The following LPAR1 variants were observed in gnomAD, a reference collection of about 807,000 sequenced individuals.
LPAR1 encodes the protein LPA receptor 1.
In LPAR1, 5 loss-of-function variants were observed where a neutral mutation model predicts 23.8. The observed-to-expected ratio is 0.21, with a 90% CI of 0.11 to 0.44. LPAR1 has a LOEUF of 0.44. Among genes scored for constraint, LPAR1 ranks in the 20% least tolerant of loss-of-function variants. The pLI is 0.99. For synonymous variants in LPAR1, 160 were observed against 164.7 expected (o/e 0.97, Z 0.22); for missense variants, 311 against 482.8 (o/e 0.64, Z 3.33).
At chr9:110,899,035 A>T (rs1420449734) in intron 5 of LPAR1, among the ~76,000 whole-genome samples, 1 of 152,240 alleles carries the variant, frequency 6.6e-6, no homozygotes, top group Non-Finnish European at 1.5e-5. Context: ...ATTCTTTTTT[A>T]AAAATACAAC....
At chr9:110,933,442 CA>C (rs2094516920) in intron 5 of LPAR1, among the ~76,000 whole-genome samples, 1 of 152,150 alleles carries the variant, frequency 6.6e-6, no homozygotes. Flanking sequence ...TTACATAAAT[CA>C]GTTCATCTAA....
At chr9:111,038,553 C>T (rs1433654228), upstream of LPAR1, 1 of 449,112 alleles carries the variant, frequency 2.2e-6, no homozygotes, top group Non-Finnish European at 4.5e-6. This position sits in a 1 kb window ranked among gnomAD's most constrained non-coding sequence, Gnocchi z 4.4. Context: ...TCCTCTCTTC[C>T]TCCGCCTTCC....
In LPAR1 at chr9:110,996,476, G is replaced by GT. The variant is rs539294638; in HGVS notation, c.-181-22919dup. Reference sequence around the variant, plus strand: ...AAGGAGTCCGCTTACAAAAAAATAAGTTTTACTAAACTGATATTCCCTAAA... The same window carrying GT: ...AAGGAGTCCGCTTACAAAAAAATAAGTTTTTACTAAACTGATATTCCCTAAA... On this transcript the variant is annotated intron_variant, in intron 2 of 5. Transcript: ENST00000683809. Among the ~76,000 whole-genome samples the GT allele has an allele frequency of 2.1e-4, 32 of 152,202 alleles. No individual in the cohort carries two copies. The East Asian group carries it at 5.6e-3, about 27-fold the overall frequency.
intron 2 of LPAR1, among the ~76,000 whole-genome samples, chr9:111,021,963 C>CAAAA (rs3030187): frequency 8.6e-5 from 6 of 69,842 alleles, no homozygotes; most frequent in African/African-American, 2.9e-4. Flanking sequence ...GACTCCGTCA[C>CAAAA]AAAAAAAAAA....
At chr9:110,989,294 C>T (rs2139524964) in intron 2 of LPAR1, among the ~76,000 whole-genome samples, 1 of 152,300 alleles carries the variant, frequency 6.6e-6, no homozygotes, top group East Asian at 1.9e-4. Flanking sequence ...TCAAGTGATC[C>T]TGTCTCTGCC....
intron 2 of LPAR1, among the ~76,000 whole-genome samples, chr9:111,003,310 T>C (rs1310546442): frequency 6.6e-6 from 1 of 151,928 alleles, no homozygotes; most frequent in African/African-American, 2.4e-5. Flanking sequence ...CCCTGGAGTT[T>C]AGTAGGCAAG....
At chr9:110,987,984 A>C (rs1475055640) in intron 2 of LPAR1, among the ~76,000 whole-genome samples, 1 of 152,104 alleles carries the variant, frequency 6.6e-6, no homozygotes, top group Non-Finnish European at 1.5e-5. Flanking sequence ...TACTGGATTA[A>C]AGAAAAAAAA....
At chr9:110,887,209 A>G (rs1199800969) in intron 5 of LPAR1, among the ~76,000 whole-genome samples, 1 of 152,176 alleles carries the variant, frequency 6.6e-6, no homozygotes, top group Non-Finnish European at 1.5e-5. Context: ...CAGAAACTTC[A>G]AGGATAGAGA....
chr9:110,883,083 A>C (rs982897947), intron 5 of LPAR1, among the ~76,000 whole-genome samples: 3 of 152,190 alleles, frequency 2.0e-5, no homozygotes, highest in Non-Finnish European at 4.4e-5. Context: ...TCTGTCATCC[A>C]GGCTGGAGTG....
intron 4 of LPAR1, among the ~76,000 whole-genome samples, chr9:110,965,019 C>T (rs1247686841): frequency 3.3e-5 from 5 of 151,862 alleles, no homozygotes; most frequent in South Asian, 2.1e-4. Context: ...TACAGGTGCA[C>T]GCCACCACAC....
intron 5 of LPAR1, among the ~76,000 whole-genome samples, chr9:110,912,531 C>A (rs1201929675): frequency 6.6e-6 from 1 of 152,164 alleles, no homozygotes; most frequent in Non-Finnish European, 1.5e-5. Flanking sequence ...ACCAAATGAG[C>A]TTCTCCTTTC....
At chr9:110,918,423 A>C (rs752116528) in intron 5 of LPAR1, among the ~76,000 whole-genome samples, 1 of 152,194 alleles carries the variant, frequency 6.6e-6, no homozygotes, top group African/African-American at 2.4e-5. Flanking sequence ...TCTCTCACCC[A>C]CAGGCCATTC....
In LPAR1 at chr9:110,986,842, C is replaced by A. The variant is rs182307755; in HGVS notation, c.-181-13284G>T. On this transcript the variant is annotated intron_variant, in intron 2 of 5. Transcript: ENST00000683809. ...TTTCAAGTAGCTTAAAATTCAAGCA[C>A]CTTTGGGAGAATGAATCAAAATCAA... is the stretch of plus-strand genomic sequence containing the variant. Among the ~76,000 whole-genome samples, 20 of 152,190 alleles carry A rather than the reference C, an allele frequency of 1.3e-4. No homozygotes were observed. The East Asian group carries it at 3.3e-3, about 25-fold the overall frequency.
At chr9:110,928,569 CT>C (rs2094194678) in intron 5 of LPAR1, among the ~76,000 whole-genome samples, 1 of 152,194 alleles carries the variant, frequency 6.6e-6, no homozygotes, top group African/African-American at 2.4e-5. Flanking sequence ...AGCCAGTGCT[CT>C]AATCTCTACC....
intron 5 of LPAR1, among the ~76,000 whole-genome samples, chr9:110,879,174 T>C (rs1423287523): frequency 1.3e-5 from 2 of 152,028 alleles, no homozygotes; most frequent in East Asian, 3.9e-4. Context: ...CCTAGCACTT[T>C]GGGAGGCCGA....
intron 5 of LPAR1, among the ~76,000 whole-genome samples, chr9:110,902,881 C>T (rs1189235140): frequency 6.6e-6 from 1 of 152,190 alleles, no homozygotes; most frequent in Non-Finnish European, 1.5e-5. Flanking sequence ...GAGCTCCACC[C>T]CTTCAGGTAG....
intron 2 of LPAR1, among the ~76,000 whole-genome samples, chr9:110,997,135 G>A (rs1223972936): frequency 2.0e-5 from 3 of 152,304 alleles, no homozygotes; most frequent in African/African-American, 7.2e-5. Context: ...TTGTGTCTAT[G>A]AAAGGAAGGA....
chr9:110,936,692 T>G (rs894241917), intron 5 of LPAR1, among the ~76,000 whole-genome samples: 2 of 152,136 alleles, frequency 1.3e-5, no homozygotes, highest in Non-Finnish European at 2.9e-5. Context: ...AAAAACAGTG[T>G]CTCCCTCTTC....
At chr9:110,946,876 A>AT (rs2095402801) in intron 4 of LPAR1, among the ~76,000 whole-genome samples, 1 of 152,208 alleles carries the variant, frequency 6.6e-6, no homozygotes, top group African/African-American at 2.4e-5. Context: ...TACTGTATAG[A>AT]TAAAAACTTG....
Sources: allele counts gnomAD v4.1 joint callset (sites outside exome capture counted in the v4.1 genomes callset), GRCh38; gene constraint gnomAD v4.1.1; non-coding constraint Gnocchi (gnomAD v3.1); transcripts MANE v1.5; gene names NCBI Gene and HGNC (gene_info 2026-07-23, HGNC 2026-07-21).